Variants in DPH6 observed in about 807,000 individuals in gnomAD.
The protein encoded by DPH6 is diphthine--ammonia ligase.
DPH6 carries 33 observed loss-of-function variants against 38.2 expected under a neutral mutation model. That is an observed-to-expected ratio of 0.86 (90% CI 0.65 to 1.15). The LOEUF (loss-of-function observed/expected upper bound fraction) is 1.15, where lower values mean the gene tolerates loss of function less well. Ranked by LOEUF, DPH6 falls within the 50% of genes most tolerant of loss-of-function variation. The pLI, the probability that DPH6 is intolerant of heterozygous loss-of-function variation, is 0.00. For synonymous variants in DPH6, 108 were observed against 103.0 expected (o/e 1.05, Z -0.30); for missense variants, 325 against 320.0 (o/e 1.02, Z -0.12).
chr15:35,400,298 A>G (rs1485934785), intron 6 of DPH6, among the ~76,000 whole-genome samples: 1 of 152,228 alleles, frequency 6.6e-6, no homozygotes, highest in African/African-American at 2.4e-5. Flanking sequence ...TTGGGCTTTT[A>G]CAGTTATTAT....
At chr15:35,267,533 C>T (rs771878552) in intron 3 of DPH6, among the ~76,000 whole-genome samples, 3 of 152,232 alleles carry the variant, frequency 2.0e-5, no homozygotes, top group Non-Finnish European at 2.9e-5. Context: ...TCTTAGCTTC[C>T]GGGGAATTCT....
At chr15:35,357,525 G>A (rs930497781) in intron 3 of DPH6, among the ~76,000 whole-genome samples, 5 of 152,202 alleles carry the variant, frequency 3.3e-5, no homozygotes, top group African/African-American at 1.2e-4. Flanking sequence ...TGTGTTTTCA[G>A]GATTTATTTC....
At chr15:35,168,664 A>G in the DPH6 span, among the ~76,000 whole-genome samples, 2 of 152,116 alleles carry the variant, frequency 1.3e-5, no homozygotes, top group African/African-American at 2.4e-5. Flanking sequence ...CTATTTAAAT[A>G]TATGTTAAAA....
chr15:35,174,335 A>T, the DPH6 span, among the ~76,000 whole-genome samples: 3 of 152,216 alleles, frequency 2.0e-5, no homozygotes, highest in African/African-American at 4.8e-5. Context: ...ACATATGAAC[A>T]TGTCTTCAAA....
At chr15:35,292,342 G>A (rs1363121588) in intron 3 of DPH6, among the ~76,000 whole-genome samples, 3 of 152,098 alleles carry the variant, frequency 2.0e-5, no homozygotes, top group Non-Finnish European at 4.4e-5. Flanking sequence ...TCATTCTAAA[G>A]AGAGGATTCA....
At chr15:35,192,011 G>A in the DPH6 span, among the ~76,000 whole-genome samples, 2 of 152,132 alleles carry the variant, frequency 1.3e-5, no homozygotes, top group African/African-American at 4.8e-5. Flanking sequence ...TCAGTGATTG[G>A]CTTTCTGTGC....
chr15:35,292,014 T>C (rs1452778670), intron 3 of DPH6, among the ~76,000 whole-genome samples: 1 of 152,130 alleles, frequency 6.6e-6, no homozygotes, highest in East Asian at 1.9e-4. Context: ...TCCAGTCTTC[T>C]TGCTTCCTCA....
the DPH6 span, among the ~76,000 whole-genome samples, chr15:35,149,268 CTCTCTGTT>C: frequency 6.6e-6 from 1 of 152,156 alleles, no homozygotes. Context: ...GATGGAGTCT[CTCTCTGTT>C]ACCAGGGCTG....
chr15:35,247,239 A>G (rs2051643243), intron 3 of DPH6, among the ~76,000 whole-genome samples: 1 of 152,218 alleles, frequency 6.6e-6, no homozygotes, highest in African/African-American at 2.4e-5. Flanking sequence ...GCACATTGGT[A>G]AAAACACAAG....
chr15:35,348,911 G>T lies in DPH6; in HGVS notation n.208-17834C>A, dbSNP rs536957469. Reference sequence around the variant, plus strand: ...GTATGCTATTCTTTTTGATATCATTGTAAATTATATTTGTTTTCTTAATAA... The same window carrying T: ...GTATGCTATTCTTTTTGATATCATTTTAAATTATATTTGTTTTCTTAATAA... On this transcript the variant is annotated intron_variant and non_coding_transcript_variant, in intron 3 of 3. Coordinates refer to the DPH6 transcript ENST00000558973. 4.0e-5 allele frequency among the ~76,000 whole-genome samples: 6 copies of T among 151,838 alleles called. No individual in the cohort carries two copies. The South Asian group carries it at 1.0e-3, about 26-fold the overall frequency.
intron 3 of DPH6, among the ~76,000 whole-genome samples, chr15:35,256,923 G>T (rs973790791): frequency 1.3e-5 from 2 of 152,166 alleles, no homozygotes; most frequent in African/African-American, 4.8e-5. Flanking sequence ...TTTAGTGCAA[G>T]AAATATGCAA....
chr15:35,307,203 C>T (rs2052099148), intron 3 of DPH6, among the ~76,000 whole-genome samples: 1 of 151,988 alleles, frequency 6.6e-6, no homozygotes, highest in Non-Finnish European at 1.5e-5. Context: ...ATTAACATCC[C>T]CGTTGAGGGC....
At chr15:35,408,191 T>C (rs2053320177) in intron 6 of DPH6, among the ~76,000 whole-genome samples, 1 of 151,204 alleles carries the variant, frequency 6.6e-6, no homozygotes, top group Admixed American at 6.6e-5. Context: ...GAAAGAGGAG[T>C]CTAAAGAATT....
At chr15:35,237,390 T>A in intron 3 of DPH6, 2 of 1,603,980 alleles carry the variant, frequency 1.2e-6, no homozygotes, top group Non-Finnish European at 1.7e-6. Context: ...GTGAAAGAAC[T>A]TGTCCTGGAC....
At chr15:35,294,146 G>A (rs1194229436) in intron 3 of DPH6, among the ~76,000 whole-genome samples, 1 of 152,036 alleles carries the variant, frequency 6.6e-6, no homozygotes, top group East Asian at 1.9e-4. Flanking sequence ...TCCCTGCTTC[G>A]AAAATGCTGT....
chr15:35,155,839 T>C, the DPH6 span, among the ~76,000 whole-genome samples: 4 of 152,202 alleles, frequency 2.6e-5, no homozygotes, highest in Admixed American at 6.5e-5. Flanking sequence ...AGAAATCACA[T>C]TGTATTTCTT....
At chr15:35,291,020 C>T (rs2051976649) in intron 3 of DPH6, among the ~76,000 whole-genome samples, 1 of 151,556 alleles carries the variant, frequency 6.6e-6, no homozygotes, top group African/African-American at 2.4e-5. Flanking sequence ...TAGCCAAAAA[C>T]TAACCTAACA....
intron 3 of DPH6, among the ~76,000 whole-genome samples, chr15:35,360,820 T>C (rs1343637503): frequency 1.3e-5 from 2 of 151,648 alleles, no homozygotes; most frequent in African/African-American, 2.4e-5. Context: ...TGGGCTATGG[T>C]AGATTGGGGC....
intron 5 of DPH6, among the ~76,000 whole-genome samples, chr15:35,428,686 G>A (rs1262195215): frequency 2.6e-5 from 4 of 152,174 alleles, no homozygotes; most frequent in South Asian, 4.2e-4. Context: ...GCCAAAGAAA[G>A]TACCAGTGGA....
Sources: allele counts gnomAD v4.1 joint callset (sites outside exome capture counted in the v4.1 genomes callset), GRCh38; gene constraint gnomAD v4.1.1; transcripts MANE v1.5; gene names NCBI Gene and HGNC (gene_info 2026-07-23, HGNC 2026-07-21).